The following KANTR variants were observed in gnomAD, a reference collection of about 807,000 sequenced individuals.
The protein encoded by KANTR is KANTR integral membrane protein, also known as KDM5C adjacent transcript.
downstream of KANTR, among the ~76,000 whole-genome samples, chrX:53,146,954 G>A (rs1385078152): frequency 9.0e-6 from 1 of 111,082 alleles, no homozygotes; most frequent in Admixed American, 9.6e-5. Context: ...CCCTAAAAGA[G>A]CTCCTGAAGG....
At chrX:53,094,927 TTCTG>T (rs1932835609) in intron 1 of KANTR, 2 of 112,791 alleles carry the variant, frequency 1.8e-5, no homozygotes, top group African/African-American at 3.2e-5. Flanking sequence ...TTCTGAATGC[TTCTG>T]TCTTTCTCTG....
intron 2 of KANTR, among the ~76,000 whole-genome samples, chrX:53,100,962 T>C (rs1234403351): frequency 3.6e-5 from 4 of 112,233 alleles, no homozygotes; most frequent in Non-Finnish European, 7.5e-5. Flanking sequence ...CGACTTTTGC[T>C]AGCTTCCAAC....
intron 2 of KANTR, among the ~76,000 whole-genome samples, chrX:53,140,927 T>A (rs782816564): frequency 1.8e-5 from 2 of 112,444 alleles, no homozygotes; most frequent in South Asian, 7.3e-4. Context: ...TTTGGGAGGC[T>A]GAGGCAGGTG....
chrX:53,120,053 T>C (rs1238988225), intron 2 of KANTR, among the ~76,000 whole-genome samples: 9 of 108,142 alleles, frequency 8.3e-5, no homozygotes, highest in Non-Finnish European at 5.7e-5. Flanking sequence ...ATTTAGTTAT[T>C]TGAGACAGGG....
In KANTR at chrX:53,106,759, G is replaced by A. The variant is rs968569135; in HGVS notation, c.-805+7151G>A. ...GGGTACAGGTTTATTCTTCTGACATGGATATCTAGTTTTCTGAGCACCTTT... is the reference window on the plus strand; with the variant it reads ...GGGTACAGGTTTATTCTTCTGACATAGATATCTAGTTTTCTGAGCACCTTT... On this transcript the variant is annotated intron_variant, in intron 2 of 2. Transcript: ENST00000604062. Among the ~76,000 whole-genome samples the A allele has an allele frequency of 4.5e-5, 5 of 109,933 alleles. No homozygotes were observed. The Admixed American group carries it at 4.8e-4, about 11-fold the overall frequency.
At chrX:53,142,987 G>T, downstream of KANTR, 2 of 1,058,949 alleles carry the variant, frequency 1.9e-6, no homozygotes, top group Non-Finnish European at 2.6e-6. Flanking sequence ...GGATGCCAGC[G>T]TGGTGATGCC....
intron 2 of KANTR, among the ~76,000 whole-genome samples, chrX:53,140,535 C>T (rs1427515684): frequency 3.8e-5 from 4 of 106,135 alleles, no homozygotes; most frequent in African/African-American, 1.4e-4. Flanking sequence ...TATGCATTTA[C>T]TGTATGACCC....
chrX:53,120,256 G>A lies in KANTR; in HGVS notation c.-804-3213G>A, dbSNP rs782333128. Among the ~76,000 whole-genome samples, 3 of 110,925 alleles carry A rather than the reference G, an allele frequency of 2.7e-5. No individual in the cohort carries two copies. The South Asian group carries it at 1.2e-3, about 43-fold the overall frequency. ...TCGCCATGTTCCCCCAGCTGGTCTC[G>A]AACTCTTGGCCTCAAGTGATCCTCC... On this transcript the variant is annotated intron_variant, in intron 2 of 2. Transcript: ENST00000604062.
chrX:53,116,303 A>G (rs1374153451), intron 2 of KANTR, among the ~76,000 whole-genome samples: 1 of 112,209 alleles, frequency 8.9e-6, no homozygotes, highest in Non-Finnish European at 1.9e-5. Context: ...AAGTCCAGCC[A>G]GTGTATGAGA....
intron 2 of KANTR, among the ~76,000 whole-genome samples, chrX:53,133,589 C>T (rs1933385000): frequency 9.0e-6 from 1 of 111,449 alleles, no homozygotes; most frequent in South Asian, 3.8e-4. Context: ...GGTGCGGCTC[C>T]TGCACACCCT....
At chrX:53,139,462 T>G (rs1376175256) in intron 2 of KANTR, among the ~76,000 whole-genome samples, 4 of 111,225 alleles carry the variant, frequency 3.6e-5, no homozygotes, top group Non-Finnish European at 7.5e-5. Flanking sequence ...GGAGAGGATA[T>G]TTGCAATGCA....
chrX:53,099,305 G>A (rs781877451), intron 1 of KANTR, among the ~76,000 whole-genome samples, 167 bp from the exon 2 acceptor site: 9 of 111,229 alleles, frequency 8.1e-5, no homozygotes, highest in African/African-American at 2.6e-4. Flanking sequence ...CCTGGGAGAC[G>A]GAGGTTGCAG....
At chrX:53,143,792 G>T, downstream of KANTR, 1 of 513,780 alleles carries the variant, frequency 1.9e-6, no homozygotes, top group South Asian at 2.4e-5. Context: ...ATCACACCCT[G>T]GTGCCGGGGT....
intron 2 of KANTR, among the ~76,000 whole-genome samples, chrX:53,141,691 G>A (rs782411826): frequency 3.0e-4 from 10 of 33,510 alleles, no homozygotes; most frequent in Non-Finnish European, 1.0e-3. Flanking sequence ...TTTTTTAACG[G>A]CAGCACTTTT....
At chrX:53,132,489 C>G (rs1005556343) in intron 2 of KANTR, among the ~76,000 whole-genome samples, 11 of 112,313 alleles carry the variant, frequency 9.8e-5, no homozygotes, top group African/African-American at 1.3e-4. Context: ...ACAGAAAAGT[C>G]TAAAATAAAA....
At chrX:53,104,623 G>A (rs1369449626) in intron 2 of KANTR, among the ~76,000 whole-genome samples, 2 of 111,077 alleles carry the variant, frequency 1.8e-5, no homozygotes, top group Non-Finnish European at 3.8e-5. Flanking sequence ...CTAGAGATTT[G>A]TCTATTCTAG....
chrX:53,125,561 C>G (rs987936595), exon 3 of KANTR: 1 of 109,714 alleles, frequency 9.1e-6, no homozygotes, highest in Non-Finnish European at 1.9e-5. Flanking sequence ...TCTATTCTTT[C>G]TGTGGTTATC....
At chrX:53,100,235 C>T (rs187097887) in intron 2 of KANTR, among the ~76,000 whole-genome samples, 1 of 111,726 alleles carries the variant, frequency 9.0e-6, no homozygotes, top group African/African-American at 3.3e-5. Flanking sequence ...AATCTCAGCA[C>T]TTTGGGAGGC....
downstream of KANTR, among the ~76,000 whole-genome samples, chrX:53,131,640 G>T (rs1556817049): frequency 8.9e-6 from 1 of 111,867 alleles, no homozygotes; most frequent in African/African-American, 3.2e-5. Context: ...CTGATATAGG[G>T]CATCTGCAAA....
Sources: gnomAD v4.1 joint callset for allele counts (sites outside exome capture counted in the v4.1 genomes callset) on GRCh38, gnomAD v4.1.1 for gene constraint, MANE v1.5 for transcripts, NCBI Gene and HGNC (gene_info 2026-07-23, HGNC 2026-07-21) for gene names.